Variants in CFAP68 observed in about 807,000 individuals in gnomAD.
CFAP68 encodes the protein cilia- and flagella-associated protein 68.
the CFAP68 span, chr11:111,879,553 C>A: frequency 6.2e-7 from 1 of 1,614,082 alleles, no homozygotes; most frequent in South Asian, 1.1e-5. Context: ...TTTTTCACCT[C>A]GTCTGAAATG....
chr11:111,880,101 G>A, the CFAP68 span, among the ~76,000 whole-genome samples: 1 of 152,160 alleles, frequency 6.6e-6, no homozygotes, highest in Non-Finnish European at 1.5e-5. Context: ...TGGGGGTACA[G>A]GTACAGGTTT....
chr11:111,881,208 C>G, the CFAP68 span: 1 of 1,318,830 alleles, frequency 7.6e-7, no homozygotes, highest in South Asian at 1.9e-5. Context: ...TCTGTCATTC[C>G]AGCCCTAGAG....
the CFAP68 span, chr11:111,879,742 T>A: frequency 1.0e-6 from 1 of 978,330 alleles, no homozygotes; most frequent in Non-Finnish European, 1.6e-6. Context: ...TGCAGTCTGG[T>A]GGGGAATGCA....
chr11:111,880,303 A>G, the CFAP68 span, among the ~76,000 whole-genome samples: 3 of 152,192 alleles, frequency 2.0e-5, no homozygotes, highest in Non-Finnish European at 4.4e-5. Context: ...TGTCAGAGGT[A>G]TTTATACCAG....
the CFAP68 span, chr11:111,881,220 C>T: frequency 3.0e-5 from 41 of 1,347,208 alleles, no homozygotes; most frequent in Non-Finnish European, 3.9e-5. Flanking sequence ...GCCCTAGAGA[C>T]AGTTACACCT....
At chr11:111,881,516 A>G in the CFAP68 span, 2 of 1,536,070 alleles carry the variant, frequency 1.3e-6, no homozygotes, top group Admixed American at 3.9e-5. Flanking sequence ...TGACATCTTT[A>G]AAGAACATGG....
chr11:111,882,129 C>A, the CFAP68 span, among the ~76,000 whole-genome samples: 1 of 152,104 alleles, frequency 6.6e-6, no homozygotes, highest in Admixed American at 6.6e-5. Context: ...TGTCTCTTCA[C>A]GGGGCCTGGG....
chr11:111,881,608 C>T, the CFAP68 span: 1 of 1,534,220 alleles, frequency 6.5e-7, no homozygotes, highest in Non-Finnish European at 8.7e-7. Context: ...TACTCTTCTT[C>T]AGGAAAGGTA....
the CFAP68 span, chr11:111,882,732 A>G: frequency 1.2e-6 from 1 of 810,116 alleles, no homozygotes; most frequent in Non-Finnish European, 1.9e-6. Context: ...TGGTTGGGGC[A>G]GAGGAACAGT....
At chr11:111,883,760 T>C in the CFAP68 span, 14 of 1,575,644 alleles carry the variant, frequency 8.9e-6, no homozygotes, top group Admixed American at 1.0e-4. Context: ...CCTTTTTTTT[T>C]CTTCCCTCAG....
chr11:111,883,066 A>G, the CFAP68 span: 1 of 1,136,524 alleles, frequency 8.8e-7, no homozygotes, highest in Non-Finnish European at 1.3e-6. Flanking sequence ...AATTCATGTC[A>G]TATTGATCTT....
the CFAP68 span, chr11:111,881,437 A>G: frequency 4.6e-5 from 70 of 1,534,944 alleles, no homozygotes; most frequent in Non-Finnish European, 5.5e-5. Context: ...CTCCCAAATC[A>G]TGGCCACTTG....
the CFAP68 span, chr11:111,883,186 G>A: frequency 6.3e-7 from 1 of 1,576,910 alleles, no homozygotes; most frequent in Non-Finnish European, 8.6e-7. Context: ...ACAACAAAAT[G>A]CCACTTTCAA....
At chr11:111,881,330 A>C in the CFAP68 span, 1 of 1,449,622 alleles carries the variant, frequency 6.9e-7, no homozygotes, top group Non-Finnish European at 9.0e-7. Context: ...CTGTCTTCAC[A>C]AAGGCAGATG....
the CFAP68 span, chr11:111,881,573 G>C: frequency 6.5e-7 from 1 of 1,535,924 alleles, no homozygotes. Flanking sequence ...AATCTTCAAA[G>C]AGCTCAACCT....
the CFAP68 span, chr11:111,882,304 G>A: frequency 2.1e-6 from 3 of 1,414,134 alleles, no homozygotes; most frequent in East Asian, 6.8e-5. Context: ...ACAAGGGCAG[G>A]AAAAGATGCT....
chr11:111,882,393 C>CGT, the CFAP68 span: 1 of 1,614,102 alleles, frequency 6.2e-7, no homozygotes, highest in East Asian at 2.2e-5. Flanking sequence ...TGTTTCCTCA[C>CGT]AAACCCACAC....
At chr11:111,881,273 C>G in the CFAP68 span, 1 of 1,411,012 alleles carries the variant, frequency 7.1e-7, no homozygotes. Context: ...CTTTGTGGCA[C>G]CAGCTACTCT....
chr11:111,881,639 GC>G, the CFAP68 span: 1 of 1,503,940 alleles, frequency 6.6e-7, no homozygotes. Flanking sequence ...AAGTCAGGGG[GC>G]CAGACTCACA....
Sources: gnomAD v4.1 joint callset for allele counts (sites outside exome capture counted in the v4.1 genomes callset) on GRCh38, gnomAD v4.1.1 for gene constraint, MANE v1.5 for transcripts, NCBI Gene and HGNC (gene_info 2026-07-23, HGNC 2026-07-21) for gene names.